The following CHSY3 variants were observed in gnomAD, a reference collection of about 807,000 sequenced individuals.
CHSY3 encodes N-acetylgalactosaminyl-proteoglycan 3-beta-glucuronosyltransferase 3.
Under a neutral mutation model 67.2 loss-of-function variants are expected in CHSY3, and 35 were observed. The observed-to-expected ratio is 0.52, with a 90% CI of 0.40 to 0.69. The LOEUF (loss-of-function observed/expected upper bound fraction) is 0.69, where lower values mean the gene tolerates loss of function less well. CHSY3 is among the 30% of genes least tolerant of loss of function. CHSY3 has a pLI of 0.00. For synonymous variants in CHSY3, 474 were observed against 434.7 expected, an observed-to-expected ratio of 1.09 and a Z score of -1.12; for missense variants, 1,069 against 1,138.5, an observed-to-expected ratio of 0.94 and a Z score of 0.88.
At chr5:129,950,479 A>C (rs1761993578) in intron 2 of CHSY3, among the ~76,000 whole-genome samples, 2 of 152,124 alleles carry the variant, frequency 1.3e-5, no homozygotes, top group Admixed American at 1.3e-4. Flanking sequence ...AACTAGTAAA[A>C]TTGTGTCTGT....
intron 2 of CHSY3, among the ~76,000 whole-genome samples, chr5:130,180,845 A>G (rs1012763410): frequency 4.6e-5 from 7 of 152,210 alleles, no homozygotes; most frequent in Non-Finnish European, 1.0e-4. Flanking sequence ...GTGAGACCCC[A>G]TCTCAAGAAA....
chr5:129,987,428 G>A (rs1178555962), intron 2 of CHSY3, among the ~76,000 whole-genome samples: 1 of 152,176 alleles, frequency 6.6e-6, no homozygotes, highest in Non-Finnish European at 1.5e-5. Context: ...CAGAACTTAG[G>A]ACACATTCTG....
intron 2 of CHSY3, among the ~76,000 whole-genome samples, chr5:130,050,983 T>A (rs1160615752): frequency 1.3e-5 from 2 of 152,132 alleles, no homozygotes; most frequent in Non-Finnish European, 2.9e-5. Flanking sequence ...TATATTTAAA[T>A]GTACTATCAT....
At chr5:130,032,630 AAG>A (rs922539932) in intron 2 of CHSY3, among the ~76,000 whole-genome samples, 2 of 152,082 alleles carry the variant, frequency 1.3e-5, no homozygotes, top group African/African-American at 4.8e-5. Context: ...ACTTCAGGTT[AAG>A]AGAGAGGAGA....
At chr5:129,967,623 A>G (rs1477801832) in intron 2 of CHSY3, among the ~76,000 whole-genome samples, 1 of 151,896 alleles carries the variant, frequency 6.6e-6, no homozygotes, top group Non-Finnish European at 1.5e-5. Context: ...ACTGAATTGC[A>G]GTACAGACCT....
chr5:129,959,466 C>T (rs114037148), intron 2 of CHSY3, among the ~76,000 whole-genome samples: 2,903 of 152,202 alleles, frequency 0.019, 94 homozygotes, highest in African/African-American at 0.067. Flanking sequence ...CAAGGACTCT[C>T]TTCTCTATTT....
At chr5:129,916,547 T>TTAA (rs1383649489) in intron 2 of CHSY3, among the ~76,000 whole-genome samples, 10 of 152,180 alleles carry the variant, frequency 6.6e-5, no homozygotes, top group Admixed American at 6.5e-4. Context: ...AAACTGTATT[T>TTAA]TAATAATCTG....
At chr5:129,990,377 A>AGAGTGTGT (rs1554075036) in intron 2 of CHSY3, among the ~76,000 whole-genome samples, 1 of 147,476 alleles carries the variant, frequency 6.8e-6, no homozygotes, top group African/African-American at 2.5e-5. Flanking sequence ...TGAGTGAGTG[A>AGAGTGTGT]GTGTGTGTGT....
intron 2 of CHSY3, chr5:130,002,106 C>A: frequency 1.0e-6 from 1 of 957,584 alleles, no homozygotes; most frequent in Non-Finnish European, 1.2e-6. Flanking sequence ...GCTTGGTGGC[C>A]TTCTTCTGTG....
intron 2 of CHSY3, among the ~76,000 whole-genome samples, chr5:130,129,360 C>T (rs530061742): frequency 6.6e-6 from 1 of 152,282 alleles, no homozygotes; most frequent in East Asian, 1.9e-4. Flanking sequence ...AATCTCTACT[C>T]ATGATATGCC....
At chr5:130,157,724 G>T (rs1225867822) in intron 2 of CHSY3, among the ~76,000 whole-genome samples, 1 of 111,222 alleles carries the variant, frequency 9.0e-6, no homozygotes, top group Non-Finnish European at 1.9e-5. Context: ...ATAGGGTAAA[G>T]TGAAAGCAAG....
At chr5:129,939,692 C>T (rs964704661) in intron 2 of CHSY3, among the ~76,000 whole-genome samples, 1 of 152,154 alleles carries the variant, frequency 6.6e-6, no homozygotes, top group Non-Finnish European at 1.5e-5. Context: ...TCTGAATTTA[C>T]ATTTGGAATA....
At chr5:129,918,804 CT>C (rs201855937) in intron 2 of CHSY3, among the ~76,000 whole-genome samples, 1,631 of 54,162 alleles carry the variant, frequency 0.03, 21 homozygotes, top group African/African-American at 0.063. Flanking sequence ...CAGTGATTCT[CT>C]TTTAAAAAAA....
intron 2 of CHSY3, among the ~76,000 whole-genome samples, chr5:130,108,884 C>A (rs1235814576): frequency 1.3e-5 from 2 of 151,558 alleles, no homozygotes; most frequent in Non-Finnish European, 3.0e-5. Flanking sequence ...TGTATTGCAT[C>A]TATTAAATAT....
chr5:130,157,258 A>C (rs940879655), intron 2 of CHSY3, among the ~76,000 whole-genome samples: 2 of 152,220 alleles, frequency 1.3e-5, no homozygotes, highest in African/African-American at 4.8e-5. Flanking sequence ...AGGCCAAAAC[A>C]ATGAGCCAAA....
intron 2 of CHSY3, among the ~76,000 whole-genome samples, chr5:130,058,827 G>A (rs919108855): frequency 6.6e-6 from 1 of 152,210 alleles, no homozygotes; most frequent in Non-Finnish European, 1.5e-5. Context: ...TACTACCTCT[G>A]TGGCTCCAGG....
intron 2 of CHSY3, among the ~76,000 whole-genome samples, chr5:130,133,413 AC>A (rs1324919615): frequency 1.3e-5 from 2 of 152,060 alleles, no homozygotes; most frequent in Non-Finnish European, 2.9e-5. Context: ...AAATTAGTGA[AC>A]CATTACAATC....
intron 2 of CHSY3, among the ~76,000 whole-genome samples, chr5:130,136,113 A>G (rs1182872637): frequency 1.3e-5 from 2 of 152,230 alleles, no homozygotes; most frequent in Admixed American, 1.3e-4. Context: ...GTGGAAATCC[A>G]GAAGAGGTTA....
At chr5:130,144,885 A>G (rs1769025039) in intron 2 of CHSY3, among the ~76,000 whole-genome samples, 1 of 152,206 alleles carries the variant, frequency 6.6e-6, no homozygotes, top group Non-Finnish European at 1.5e-5. Flanking sequence ...CTGTAAGCCA[A>G]TTACAAAGAA....
Sources: gnomAD v4.1 joint callset for allele counts (sites outside exome capture counted in the v4.1 genomes callset) on GRCh38, gnomAD v4.1.1 for gene constraint, MANE v1.5 for transcripts, NCBI Gene and HGNC (gene_info 2026-07-23, HGNC 2026-07-21) for gene names.